TMEM196: variants seen among roughly 807,000 people sequenced by gnomAD.
TMEM196 encodes transmembrane protein 196.
In TMEM196, 17 loss-of-function variants were observed where a neutral mutation model predicts 20.0. That is an observed-to-expected ratio of 0.85 (90% CI 0.58 to 1.27). The LOEUF is 1.27. Ranked by LOEUF, TMEM196 falls within the 50% of genes most tolerant of loss-of-function variation. TMEM196 has a pLI of 0.00. For synonymous variants in TMEM196, 113 were observed against 88.9 expected, an observed-to-expected ratio of 1.27 and a Z score of -1.52; for missense variants, 267 against 223.0, an observed-to-expected ratio of 1.20 and a Z score of -1.26.
intron 1 of TMEM196, among the ~76,000 whole-genome samples, chr7:19,770,494 G>T (rs1278751673): frequency 6.6e-6 from 1 of 152,102 alleles, no homozygotes; most frequent in African/African-American, 2.4e-5. Flanking sequence ...TCCCAACTGG[G>T]TATTTGTTTC....
intron 1 of TMEM196, among the ~76,000 whole-genome samples, chr7:19,754,071 A>T (rs746105592): frequency 6.6e-6 from 1 of 152,236 alleles, no homozygotes; most frequent in Admixed American, 6.5e-5. Context: ...GTGATAAGGA[A>T]TGACTACTCT....
At chr7:19,749,532 T>C (rs1240589817) in intron 1 of TMEM196, among the ~76,000 whole-genome samples, 1 of 152,222 alleles carries the variant, frequency 6.6e-6, no homozygotes, top group Non-Finnish European at 1.5e-5. Flanking sequence ...GCTCTTTTTT[T>C]TAAATAAATT....
Position 19,772,645 on chromosome 7 carries a change from C to T in TMEM196, c.52G>A (p.Glu18Lys). 1 of 1,545,458 alleles carries T rather than the reference C, an allele frequency of 6.5e-7. No homozygotes were observed. Among genetic ancestry groups the T allele is most frequent in the Non-Finnish European group, 8.7e-7 (1 of 1,144,714 alleles). The change falls in exon 1 of 5, where the codon GAG becomes AAG. Residue 18 changes from glutamate to lysine, a missense_variant. By Grantham distance (56) the Glu-to-Lys change is moderately conservative (BLOSUM62 1). Transcript: ENST00000405844. The stretch of plus-strand genomic sequence containing the variant: ...ACGCTGGACACCCCCAGCCCTATCT[C>T]CAGCACGGAGAGCACCAAGAGGCTC... ...IGSLLVLSVL[E>K]IGLGVSSVAV...
At chr7:19,744,675 C>T (rs1309722417) in intron 1 of TMEM196, among the ~76,000 whole-genome samples, 2 of 152,152 alleles carry the variant, frequency 1.3e-5, no homozygotes, top group African/African-American at 4.8e-5. Context: ...CCTCATCATC[C>T]AGTTCCTTTA....
At chr7:19,758,152 T>TA (rs1296260403) in intron 1 of TMEM196, among the ~76,000 whole-genome samples, 2 of 152,104 alleles carry the variant, frequency 1.3e-5, no homozygotes, top group African/African-American at 2.4e-5. Flanking sequence ...ACTCTGTTTT[T>TA]AAAAAAACCT....
intron 2 of TMEM196, among the ~76,000 whole-genome samples, chr7:19,726,144 C>G (rs1479143321): frequency 1.3e-5 from 2 of 152,118 alleles, no homozygotes; most frequent in East Asian, 3.9e-4. Context: ...CAAATATCAT[C>G]TCAATTGACA....
At chr7:19,769,411 T>A (rs1462450733) in intron 1 of TMEM196, among the ~76,000 whole-genome samples, 1 of 152,074 alleles carries the variant, frequency 6.6e-6, no homozygotes, top group Non-Finnish European at 1.5e-5. Flanking sequence ...AATCATTTTT[T>A]CTATCCTTAT....
chr7:19,752,513 T>TTTA, intron 1 of TMEM196, among the ~76,000 whole-genome samples: 1 of 152,306 alleles, frequency 6.6e-6, no homozygotes, highest in Non-Finnish European at 1.5e-5. Context: ...GTTTCTCTAA[T>TTTA]ATCACTCACT....
rs1186062627 is a variant in TMEM196 at position 19,720,539 on chromosome 7, A to G, written c.*1589T>C. 1 of 152,002 alleles carries G rather than the reference A, an allele frequency of 6.6e-6. No individual in the cohort carries two copies. The highest frequency in any genetic ancestry group is 1.9e-4 in the East Asian group (1 of 5,200). The allele number at this position is 152,002 out of a possible 1,614,324, so 9.4% of individuals were successfully genotyped here. ...ATTTGAGGAAAAAGAAAAGTATACAATATAGTGAGAGTTATGTATTTAAAA... is the reference window on the plus strand; with the variant it reads ...ATTTGAGGAAAAAGAAAAGTATACAGTATAGTGAGAGTTATGTATTTAAAA... On this transcript the variant is annotated 3_prime_UTR_variant, in exon 5 of 5. Transcript: ENST00000405844.
intron 1 of TMEM196, among the ~76,000 whole-genome samples, chr7:19,755,111 TTC>T (rs1284587980): frequency 6.6e-6 from 1 of 152,188 alleles, no homozygotes; most frequent in Non-Finnish European, 1.5e-5. Context: ...TGTGAAAAAT[TTC>T]TTTTTGAACA....
At chr7:19,743,887 G>T (rs1448220418) in intron 1 of TMEM196, among the ~76,000 whole-genome samples, 3 of 152,082 alleles carry the variant, frequency 2.0e-5, no homozygotes, top group African/African-American at 7.2e-5. Context: ...TAATTGAAAA[G>T]TAATTATACA....
intron 2 of TMEM196, 32 bp downstream of exon 2, chr7:19,729,350 C>A: frequency 6.5e-7 from 1 of 1,544,486 alleles, no homozygotes; most frequent in South Asian, 1.2e-5. Flanking sequence ...TCATACACCT[C>A]AATGCACAAT....
chr7:19,726,491 T>C (rs1447998881), intron 2 of TMEM196, among the ~76,000 whole-genome samples: 1 of 152,246 alleles, frequency 6.6e-6, no homozygotes, highest in East Asian at 1.9e-4. Flanking sequence ...AAATATTTTA[T>C]TACTTTGTGG....
At chr7:19,732,105 A>C (rs1226381811) in intron 1 of TMEM196, among the ~76,000 whole-genome samples, 1 of 152,166 alleles carries the variant, frequency 6.6e-6, no homozygotes, top group Non-Finnish European at 1.5e-5. Context: ...TTTATTTACC[A>C]CAAGTCATAA....
chr7:19,762,542 A>T (rs1024470469), intron 1 of TMEM196, among the ~76,000 whole-genome samples: 3 of 152,136 alleles, frequency 2.0e-5, no homozygotes, highest in African/African-American at 7.2e-5. Flanking sequence ...TTTTATATTA[A>T]TGTAGGTTAT....
chr7:19,724,824 A>G (rs556711119), intron 3 of TMEM196, among the ~76,000 whole-genome samples: 1 of 152,320 alleles, frequency 6.6e-6, no homozygotes, highest in African/African-American at 2.4e-5. Context: ...TACTAGATCC[A>G]GTAGGAGAAA....
In TMEM196 at chr7:19,772,684, C is replaced by G; in HGVS notation, c.13G>C (p.Gly5Arg). The stretch of plus-strand genomic sequence containing the variant: ...ACCAAGAGGCTCCCAATAATCTGAC[C>G]GCTGGTGCACATCCTTCCTCGGTCA... MCTSGQIIGSLLVLS... is the reference protein window; with the variant it reads MCTSRQIIGSLLVLS... The change falls in exon 1 of 5, where the codon GGT (glycine) becomes CGT (arginine). Residue 5 changes from glycine (G) to arginine (R), a missense_variant. Physicochemically the swap from Gly to Arg is moderately radical, Grantham distance 125. Coordinates refer to ENST00000405844, the MANE Select transcript of TMEM196 (RefSeq NM_001363562.2). 1 of 1,520,846 alleles carries G rather than the reference C, an allele frequency of 6.6e-7. No homozygotes were observed. Among genetic ancestry groups the G allele is most frequent in the East Asian group, 2.6e-5 (1 of 38,894 alleles). 94.2% of individuals were successfully genotyped at this position (1,520,846 alleles called of 1,614,324 possible).
chr7:19,767,071 A>C (rs1785661044), intron 1 of TMEM196, among the ~76,000 whole-genome samples: 1 of 152,104 alleles, frequency 6.6e-6, no homozygotes, highest in Admixed American at 6.6e-5. Flanking sequence ...CTTCAAGACC[A>C]GTTATACCCT....
chr7:19,759,107 A>G (rs181825650), intron 1 of TMEM196, among the ~76,000 whole-genome samples: 101 of 152,244 alleles, frequency 6.6e-4, no homozygotes, highest in African/African-American at 2.2e-3. Flanking sequence ...CTGTTGCTCT[A>G]TCTCTACACG....
Sources: gnomAD v4.1 joint callset for allele counts (sites outside exome capture counted in the v4.1 genomes callset) on GRCh38, gnomAD v4.1.1 for gene constraint, MANE v1.5 for transcripts, NCBI Gene and HGNC (gene_info 2026-07-23, HGNC 2026-07-21) for gene names.